The following XKR6 variants were observed in gnomAD, a reference collection of about 807,000 sequenced individuals.
XKR6 encodes the protein XK-related protein 6.
Under a neutral mutation model 56.7 loss-of-function variants are expected in XKR6, and 22 were observed. The ratio of observed to expected loss-of-function variants is 0.39; its 90% CI spans 0.28 to 0.55. The LOEUF (loss-of-function observed/expected upper bound fraction) is 0.55. Ranked by LOEUF, XKR6 falls within the 20% of genes least tolerant of loss-of-function variation. The pLI is 0.66. For missense variants in XKR6, 852 were observed against 889.0 expected (o/e 0.96, Z 0.53); for synonymous variants, 524 against 387.8 (o/e 1.35, Z -4.13).
chr8:11,043,034 T>TG (rs1799324164), intron 1 of XKR6, among the ~76,000 whole-genome samples: 2 of 152,236 alleles, frequency 1.3e-5, no homozygotes, highest in South Asian at 4.2e-4. Context: ...TTGCCAGCCC[T>TG]GGGGGGCTGG....
intron 1 of XKR6, among the ~76,000 whole-genome samples, chr8:11,121,338 C>G (rs914715163): frequency 6.6e-6 from 1 of 152,002 alleles, no homozygotes; most frequent in Non-Finnish European, 1.5e-5. Context: ...AACAAATTTA[C>G]AAGAAAAAAA....
chr8:11,128,983 G>C (rs774926843), intron 1 of XKR6: 7 of 456,376 alleles, frequency 1.5e-5, no homozygotes, highest in African/African-American at 1.4e-4. Context: ...AAGATTTTTG[G>C]TTTGTTCTGT....
At chr8:11,038,181 C>T (rs1799194285) in intron 1 of XKR6, among the ~76,000 whole-genome samples, 1 of 152,180 alleles carries the variant, frequency 6.6e-6, no homozygotes, top group African/African-American at 2.4e-5. Flanking sequence ...TAAGTTTTAA[C>T]TTATGGGAAC....
Position 10,984,743 on chromosome 8 carries a change from T to C in XKR6, c.765-59913A>G, listed in dbSNP as rs904355816. Among the ~76,000 whole-genome samples the C allele has an allele frequency of 1.4e-3, 191 of 139,284 alleles. 8 individuals are homozygous for C. The highest frequency in any genetic ancestry group is 2.5e-3 in the Non-Finnish European group (157 of 63,468). 91.4% of individuals were successfully genotyped at this position (139,284 alleles called of 152,430 possible). A position where few individuals can be genotyped will look rare whatever the true frequency, so the allele number is the denominator to read the frequency against. On this transcript the variant is annotated intron_variant, in intron 1 of 2. Transcript: ENST00000416569. ...CTCTCTCTCTCTCTCTATATATATA[T>C]ATATATATATATATTTGAAGAAATG...
chr8:11,003,398 T>C (rs553156311), intron 1 of XKR6, among the ~76,000 whole-genome samples: 1 of 152,184 alleles, frequency 6.6e-6, no homozygotes, highest in East Asian at 1.9e-4. Flanking sequence ...AATGTCATCA[T>C]TATCACCATT....
chr8:11,125,986 G>C (rs547089956), intron 1 of XKR6: 1 of 151,934 alleles, frequency 6.6e-6, no homozygotes, highest in East Asian at 1.9e-4. Context: ...AAATCTCTTT[G>C]TCTTTCTTGC....
At chr8:11,020,276 G>C (rs1414113754) in intron 1 of XKR6, among the ~76,000 whole-genome samples, 2 of 152,140 alleles carry the variant, frequency 1.3e-5, no homozygotes, top group Non-Finnish European at 2.9e-5. Flanking sequence ...AGCCGACACC[G>C]TCTGTGCATC....
Position 11,130,705 on chromosome 8 carries a change from G to C in XKR6, c.764+69871C>G, listed in dbSNP as rs564664078. On this transcript the variant is annotated intron_variant, in intron 1 of 2. Coordinates refer to ENST00000416569, the MANE Select transcript of XKR6 (RefSeq NM_173683.4). ...TCTCCTTCAGACAAAGGTACAGATTGTGTATCTTCCATCACAAGCCAAGGG... is the reference window on the plus strand; with the variant it reads ...TCTCCTTCAGACAAAGGTACAGATTCTGTATCTTCCATCACAAGCCAAGGG... Among the ~76,000 whole-genome samples, 6 of 151,168 alleles carry C rather than the reference G, an allele frequency of 4.0e-5. No homozygotes were observed. In the South Asian group the frequency reaches 1.3e-3, roughly 32 times the overall value.
rs1438904890 is a variant in XKR6 at position 11,071,490 on chromosome 8, C to T, written c.764+129086G>A. Among the ~76,000 whole-genome samples the T allele has an allele frequency of 2.2e-5, 3 of 136,592 alleles. No homozygotes were observed. The East Asian group carries it at 5.9e-4, about 27-fold the overall frequency. 89.6% of individuals were successfully genotyped at this position (136,592 alleles called of 152,430 possible). ...CTATGAGCCCCGAGTCCATGAGCCC[C>T]GAGTCCATGAGCCCCGAGTCTATGA... On this transcript the variant is annotated intron_variant, in intron 1 of 2. Coordinates refer to ENST00000416569, the MANE Select transcript of XKR6 (RefSeq NM_173683.4).
At chr8:11,089,704 T>C (rs1007267185) in intron 1 of XKR6, among the ~76,000 whole-genome samples, 11 of 152,200 alleles carry the variant, frequency 7.2e-5, no homozygotes, top group Admixed American at 3.3e-4. Context: ...AAGGAGCACA[T>C]GTACACCCAC....
Position 10,924,825 on chromosome 8 carries a change from A to G in XKR6, c.770T>C (p.Ile257Thr). Residue 257 changes from isoleucine (I) to threonine (T), a missense_variant, in exon 2 of 3, where the codon ATC (isoleucine) becomes ACC (threonine). Ile to Thr is a moderately conservative substitution (Grantham distance 89, BLOSUM62 -1). This residue lies in a region of XKR6 where 199 missense variants were observed against 280.4 expected (regional missense o/e 0.71). Coordinates refer to ENST00000416569, the MANE Select transcript of XKR6 (RefSeq NM_173683.4). ...CTGAATCCCCAGGTACATGGTGCGGATATACCTGCCCAGAGAGATGGGGAG... is the reference window on the plus strand; with the variant it reads ...CTGAATCCCCAGGTACATGGTGCGGGTATACCTGCCCAGAGAGATGGGGAG... Reference protein sequence around the residue: ...LLQMGQVWRYIRTMYLGIQSQ... With the variant: ...LLQMGQVWRYTRTMYLGIQSQ... 8.1e-6 allele frequency: 13 copies of G among 1,612,932 alleles called. No individual in the cohort carries two copies. Among genetic ancestry groups the G allele is most frequent in the Non-Finnish European group, 1.1e-5 (13 of 1,179,366 alleles).
At chr8:11,097,702 G>T (rs975533634) in intron 1 of XKR6, among the ~76,000 whole-genome samples, 7 of 150,840 alleles carry the variant, frequency 4.6e-5, no homozygotes, top group Non-Finnish European at 7.4e-5. Flanking sequence ...AGCTACTTGG[G>T]AGGCTGAGGC....
intron 1 of XKR6, among the ~76,000 whole-genome samples, chr8:10,978,162 T>C (rs916327571): frequency 1.3e-5 from 2 of 152,080 alleles, no homozygotes; most frequent in Non-Finnish European, 1.5e-5. Context: ...CCCATTACCA[T>C]CACCACCTAA....
At chr8:11,057,497 C>T (rs7821839) in intron 1 of XKR6, among the ~76,000 whole-genome samples, 4 of 152,216 alleles carry the variant, frequency 2.6e-5, no homozygotes, top group South Asian at 2.1e-4. Context: ...TCAAGTGCAT[C>T]GTCGTGGCTC....
chr8:10,965,911 C>G (rs1450328457), intron 1 of XKR6, among the ~76,000 whole-genome samples: 1 of 152,100 alleles, frequency 6.6e-6, no homozygotes, highest in East Asian at 1.9e-4. Context: ...CCCTGGGAAC[C>G]AAAAAACGGC....
chr8:11,188,744 C>T (rs1292694720), intron 1 of XKR6, among the ~76,000 whole-genome samples: 1 of 152,126 alleles, frequency 6.6e-6, no homozygotes, highest in Non-Finnish European at 1.5e-5. Context: ...CATTTTGATG[C>T]GGAATCACCA....
chr8:10,922,062 A>G (rs1217729895), intron 2 of XKR6, among the ~76,000 whole-genome samples: 2 of 152,210 alleles, frequency 1.3e-5, no homozygotes, highest in African/African-American at 4.8e-5. Flanking sequence ...CTTCCCTTCC[A>G]GGGGATGCAG....
Position 11,128,175 on chromosome 8 carries a change from T to C in XKR6, c.764+72401A>G, listed in dbSNP as rs562852900. On this transcript the variant is annotated intron_variant, in intron 1 of 2. Coordinates refer to ENST00000416569, the MANE Select transcript of XKR6 (RefSeq NM_173683.4). ...GAATGTTTGGTTGAGCTTTTTCTAC[T>C]AGAAACAGGAAACCACACTGATCTG... Among the ~76,000 whole-genome samples the C allele has an allele frequency of 7.9e-5, 12 of 152,354 alleles. No homozygotes were observed. In the South Asian group the frequency reaches 1.2e-3, roughly 16 times the overall value.
chr8:11,170,119 A>G (rs1305354836), intron 1 of XKR6, among the ~76,000 whole-genome samples: 1 of 152,232 alleles, frequency 6.6e-6, no homozygotes, highest in African/African-American at 2.4e-5. Context: ...TCAGAGTGCT[A>G]AATTGCTGCC....
Sources: gnomAD v4.1 joint callset for allele counts (sites outside exome capture counted in the v4.1 genomes callset) on GRCh38, gnomAD v4.1.1 for gene constraint, gnomAD v4.1.1 regional missense constraint, MANE v1.5 for transcripts, NCBI Gene and HGNC (gene_info 2026-07-23, HGNC 2026-07-21) for gene names.